GRM8: variants seen among roughly 807,000 people sequenced by gnomAD.
GRM8 encodes the protein metabotropic glutamate receptor 8.
A neutral mutation model predicts 87.2 loss-of-function variants in GRM8; 47 were observed. The ratio of observed to expected loss-of-function variants is 0.54; its 90% CI spans 0.43 to 0.69. The LOEUF (loss-of-function observed/expected upper bound fraction) is 0.69. Among genes scored for constraint, GRM8 ranks in the 30% least tolerant of loss-of-function variants. The pLI is 0.00. For missense variants in GRM8, 1,019 were observed against 1,139.2 expected (o/e 0.89, Z 1.52); for synonymous variants, 396 against 404.5 (o/e 0.98, Z 0.25).
At chr7:127,081,558 G>A (rs1245764079) in intron 3 of GRM8, among the ~76,000 whole-genome samples, 2 of 148,234 alleles carry the variant, frequency 1.3e-5, no homozygotes, top group Middle Eastern at 3.2e-3. Flanking sequence ...CCTGGAACCC[G>A]AAGTTAGAAA....
intron 10 of GRM8, among the ~76,000 whole-genome samples, chr7:126,443,229 T>C (rs1235606081): frequency 3.9e-5 from 6 of 152,012 alleles, no homozygotes; most frequent in African/African-American, 9.7e-5. Flanking sequence ...AAAATTCATA[T>C]ATATCAACTT....
chr7:127,050,232 G>A (rs1819330831), intron 3 of GRM8, among the ~76,000 whole-genome samples: 2 of 152,170 alleles, frequency 1.3e-5, no homozygotes, highest in South Asian at 2.1e-4. Flanking sequence ...GTAGATGAAG[G>A]TGAACAGTTT....
intron 8 of GRM8, among the ~76,000 whole-genome samples, chr7:126,587,832 G>GA (rs762772013): frequency 5.9e-4 from 83 of 141,862 alleles, no homozygotes; most frequent in African/African-American, 1.9e-3. Flanking sequence ...ATAAAAAAAA[G>GA]AAAAAAAAGT....
At chr7:126,639,475 T>A (rs1802169764) in intron 7 of GRM8, among the ~76,000 whole-genome samples, 1 of 152,140 alleles carries the variant, frequency 6.6e-6, no homozygotes, top group African/African-American at 2.4e-5. Context: ...TCTCTCGGCT[T>A]CTTTGTACCT....
At chr7:127,169,263 T>G (rs1226934400) in intron 2 of GRM8, among the ~76,000 whole-genome samples, 1 of 152,162 alleles carries the variant, frequency 6.6e-6, no homozygotes, top group Non-Finnish European at 1.5e-5. Context: ...GCATTATTGC[T>G]GATATGGAGA....
chr7:126,642,221 C>A (rs937500689), intron 7 of GRM8, among the ~76,000 whole-genome samples: 1 of 152,216 alleles, frequency 6.6e-6, no homozygotes, highest in Non-Finnish European at 1.5e-5. Flanking sequence ...GAGCACATTG[C>A]ACAACTCGGC....
At chr7:126,549,522 A>T (rs1431292908) in intron 8 of GRM8, among the ~76,000 whole-genome samples, 2 of 152,150 alleles carry the variant, frequency 1.3e-5, no homozygotes, top group African/African-American at 4.8e-5. Context: ...TGACTTACTG[A>T]AAAGTTATTA....
intron 6 of GRM8, among the ~76,000 whole-genome samples, chr7:126,859,115 G>C (rs1212875133): frequency 1.3e-5 from 2 of 150,142 alleles, no homozygotes; most frequent in African/African-American, 2.5e-5. Context: ...CCACACCCCT[G>C]TGCCCACCCC....
intron 8 of GRM8, among the ~76,000 whole-genome samples, chr7:126,594,255 G>A (rs1796954056): frequency 1.3e-5 from 2 of 151,976 alleles, no homozygotes; most frequent in East Asian, 1.9e-4. Flanking sequence ...CAGGGGAAGT[G>A]AAATCAGTAT....
intron 3 of GRM8, among the ~76,000 whole-genome samples, chr7:127,002,411 G>A (rs139091912): frequency 5.3e-5 from 8 of 151,520 alleles, no homozygotes; most frequent in African/African-American, 9.7e-5. Flanking sequence ...CTACCCAGCT[G>A]GGAAATATCC....
rs138836397 is a variant in GRM8 at position 127,228,348 on chromosome 7, A to G, written c.510+14347T>C. The stretch of plus-strand genomic sequence containing the variant: ...ATATGGGAAGCTGTCAATAAACATT[A>G]CCTCTTGCACTGTTTCTGTTACAGG... On this transcript the variant is annotated intron_variant, in intron 2 of 10. Transcript: ENST00000339582. 1.2e-3 allele frequency: 177 copies of G among 152,288 alleles called. 1 individual carries two copies. The highest frequency in any genetic ancestry group is 4.1e-3 in the African/African-American group (171 of 41,552). The allele number at this position is 152,288 out of a possible 1,614,324, so 9.4% of individuals were successfully genotyped here.
At chr7:126,720,433 A>G (rs1430436854) in intron 7 of GRM8, among the ~76,000 whole-genome samples, 1 of 152,160 alleles carries the variant, frequency 6.6e-6, no homozygotes, top group Non-Finnish European at 1.5e-5. Flanking sequence ...CCTGACCACA[A>G]GTTGCCTCTT....
chr7:126,814,193 TA>T (rs2151746056), intron 6 of GRM8, among the ~76,000 whole-genome samples: 1 of 152,212 alleles, frequency 6.6e-6, no homozygotes, highest in African/African-American at 2.4e-5. Context: ...GCTCATGTAG[TA>T]TACTCAGTTT....
At chr7:127,124,695 A>G (rs1173369146) in intron 2 of GRM8, among the ~76,000 whole-genome samples, 4 of 152,134 alleles carry the variant, frequency 2.6e-5, no homozygotes, top group Non-Finnish European at 4.4e-5. Context: ...AGAAATTTTA[A>G]ATTTACCTTA....
At chr7:126,652,933 T>A (rs1245167404) in intron 7 of GRM8, among the ~76,000 whole-genome samples, 1 of 152,010 alleles carries the variant, frequency 6.6e-6, no homozygotes, top group Non-Finnish European at 1.5e-5. Flanking sequence ...AGAGGAACAG[T>A]TTTCCTCAGT....
At chr7:126,896,858 G>A (rs1801594591) in intron 6 of GRM8, among the ~76,000 whole-genome samples, 1 of 152,116 alleles carries the variant, frequency 6.6e-6, no homozygotes, top group Non-Finnish European at 1.5e-5. Context: ...CAGTCTCCTG[G>A]CTGAGAATTA....
chr7:126,453,967 C>A (rs1389852928), intron 9 of GRM8, among the ~76,000 whole-genome samples: 1 of 151,634 alleles, frequency 6.6e-6, no homozygotes, highest in African/African-American at 2.4e-5. Flanking sequence ...TTTCTGCTTC[C>A]ATGGTAACTT....
At position 127,149,149 on chromosome 7, in the gene GRM8, G is replaced by A. The variant is rs577204238; in HGVS notation, c.511-42437C>T. Among the ~76,000 whole-genome samples, 6 of 151,644 alleles carry A rather than the reference G, an allele frequency of 4.0e-5. No individual in the cohort carries two copies. The East Asian group carries it at 9.7e-4, about 25-fold the overall frequency. Reference sequence around the variant, plus strand: ...AAAATGAAATGACAGCCTATAGATTGGGAAAAAAAATACTGCAAACTATAT... The same window carrying A: ...AAAATGAAATGACAGCCTATAGATTAGGAAAAAAAATACTGCAAACTATAT... On this transcript the variant is annotated intron_variant, in intron 2 of 10. Transcript: ENST00000339582.
intron 7 of GRM8, among the ~76,000 whole-genome samples, chr7:126,677,197 A>G (rs1258798007): frequency 1.3e-5 from 2 of 152,178 alleles, no homozygotes; most frequent in Non-Finnish European, 2.9e-5. Flanking sequence ...AAATCAAAAC[A>G]CAATAGATGT....
Sources: gnomAD v4.1 joint callset for allele counts (sites outside exome capture counted in the v4.1 genomes callset) on GRCh38, gnomAD v4.1.1 for gene constraint, MANE v1.5 for transcripts, NCBI Gene and HGNC (gene_info 2026-07-23, HGNC 2026-07-21) for gene names.